ABCA13: variants seen among roughly 807,000 people sequenced by gnomAD.
ABCA13 encodes ATP-binding cassette sub-family A member 13.
ABCA13 carries 476 observed loss-of-function variants against 478.7 expected under a neutral mutation model. The observed-to-expected ratio is 0.99, with a 90% CI of 0.92 to 1.07. ABCA13 has a LOEUF of 1.07. Ranked by LOEUF, ABCA13 falls within the 50% of genes least tolerant of loss-of-function variation. ABCA13 has a pLI of 0.00. For synonymous variants in ABCA13, 2,252 were observed against 2,158.9 expected, an observed-to-expected ratio of 1.04 and a Z score of -1.20; for missense variants, 6,060 against 5,910.6, an observed-to-expected ratio of 1.03 and a Z score of -0.83.
intron 15 of ABCA13, among the ~76,000 whole-genome samples, chr7:48,266,858 C>A (rs1270720757): frequency 6.6e-6 from 1 of 151,880 alleles, no homozygotes; most frequent in African/African-American, 2.4e-5. Context: ...TTAGAGGCAT[C>A]CCACAAATAC....
chr7:48,319,382 T>C (rs963285065), intron 27 of ABCA13, among the ~76,000 whole-genome samples: 5 of 152,240 alleles, frequency 3.3e-5, no homozygotes, highest in Non-Finnish European at 7.3e-5. Context: ...GCATTGTACC[T>C]GGGATGAATT....
At chr7:48,415,599 G>C (rs1428802763) in intron 41 of ABCA13, among the ~76,000 whole-genome samples, 1 of 152,184 alleles carries the variant, frequency 6.6e-6, no homozygotes, top group Admixed American at 6.5e-5. Context: ...AAGAGTGGGT[G>C]TTCCCTTTAC....
chr7:48,311,470 G>T (rs528203844), intron 24 of ABCA13, among the ~76,000 whole-genome samples: 1 of 152,254 alleles, frequency 6.6e-6, no homozygotes, highest in South Asian at 2.1e-4. Flanking sequence ...TTTACAGTTT[G>T]CCTTTTGGGA....
chr7:48,481,296 C>T, intron 46 of ABCA13, 142 bp downstream of exon 46: 1 of 661,268 alleles, frequency 1.5e-6, no homozygotes, highest in South Asian at 1.9e-5. Context: ...TGTGATGTTC[C>T]CCTTCCTGTG....
intron 38 of ABCA13, among the ~76,000 whole-genome samples, chr7:48,400,448 A>G (rs148923290): frequency 6.6e-6 from 1 of 152,330 alleles, no homozygotes; most frequent in African/African-American, 2.4e-5. Flanking sequence ...AATGTTCTCA[A>G]TTAGAGGATT....
intron 34 of ABCA13, among the ~76,000 whole-genome samples, chr7:48,376,204 T>A (rs1813454926): frequency 6.6e-6 from 1 of 152,198 alleles, no homozygotes; most frequent in Admixed American, 6.5e-5. Flanking sequence ...TAAAACTTTT[T>A]AAAGTATTAG....
intron 3 of ABCA13, among the ~76,000 whole-genome samples, chr7:48,204,864 G>A (rs1784728179): frequency 6.6e-6 from 1 of 152,188 alleles, no homozygotes; most frequent in African/African-American, 2.4e-5. Flanking sequence ...TCATAACTTA[G>A]TGGAGAGCTG....
chr7:48,637,687 G>A (rs554168997), intron 59 of ABCA13, among the ~76,000 whole-genome samples: 37 of 152,190 alleles, frequency 2.4e-4, no homozygotes, highest in Middle Eastern at 3.4e-3. Context: ...ATATAATGCT[G>A]GAGATGAGGC....
chr7:48,290,464 T>C (rs1171252788), intron 20 of ABCA13, among the ~76,000 whole-genome samples: 1 of 152,188 alleles, frequency 6.6e-6, no homozygotes, highest in African/African-American at 2.4e-5. Context: ...AATCTCAACT[T>C]TGGCCTAGAT....
chr7:48,361,111 G>C (rs1263191341), intron 31 of ABCA13, among the ~76,000 whole-genome samples: 1 of 149,402 alleles, frequency 6.7e-6, no homozygotes, highest in Non-Finnish European at 1.5e-5. Context: ...AAAAAAAAAA[G>C]ACAAGAAAAC....
intron 57 of ABCA13, among the ~76,000 whole-genome samples, chr7:48,593,548 C>A (rs900701442): frequency 2.0e-5 from 3 of 151,948 alleles, no homozygotes; most frequent in African/African-American, 4.8e-5. Context: ...GATTTATACA[C>A]CAACATTAAA....
rs188250415 is a variant in ABCA13, at chr7:48,324,580, A to T, written c.9999+7284A>T. 9.8e-4 allele frequency among the ~76,000 whole-genome samples: 150 copies of T among 152,332 alleles called. 1 individual carries two copies. Among genetic ancestry groups the T allele is most frequent in the African/African-American group, 3.4e-3 (142 of 41,578 alleles). On this transcript the variant is annotated intron_variant, in intron 27 of 61. Coordinates refer to ENST00000435803, the MANE Select transcript of ABCA13 (RefSeq NM_152701.5). ...GTGAACCCTGTCCTTATGGTTTTGC[A>T]GCTGGTTATGGAATCACATTGAAAA... is the stretch of plus-strand genomic sequence containing the variant.
chr7:48,400,734 T>C (rs1242657567), intron 38 of ABCA13, among the ~76,000 whole-genome samples: 2 of 152,234 alleles, frequency 1.3e-5, no homozygotes, highest in East Asian at 1.9e-4. Context: ...GCTGCAATGA[T>C]AGGTGTTCAG....
intron 42 of ABCA13, among the ~76,000 whole-genome samples, chr7:48,450,334 A>G (rs1485376736): frequency 6.6e-6 from 1 of 152,212 alleles, no homozygotes; most frequent in Non-Finnish European, 1.5e-5. Flanking sequence ...AAAGTAATTT[A>G]TCGTTTACAA....
chr7:48,260,694 A>G (rs1032581493), intron 15 of ABCA13, among the ~76,000 whole-genome samples: 3 of 151,994 alleles, frequency 2.0e-5, no homozygotes, highest in Admixed American at 6.6e-5. Flanking sequence ...AAAACGTTAG[A>G]TGGTCTATAA....
At chr7:48,524,922 A>G (rs949525449) in intron 54 of ABCA13, among the ~76,000 whole-genome samples, 1 of 152,240 alleles carries the variant, frequency 6.6e-6, no homozygotes. Flanking sequence ...ATGTTTAATC[A>G]GAACTGACAG....
chr7:48,545,260 G>A lies in ABCA13; in HGVS notation c.14354+16915G>A, dbSNP rs1019855398. Among the ~76,000 whole-genome samples the A allele has an allele frequency of 4.8e-4, 73 of 151,852 alleles. 1 individual carries two copies. Among genetic ancestry groups the A allele is most frequent in the African/African-American group, 1.7e-3 (71 of 41,484 alleles). On this transcript the variant is annotated intron_variant, in intron 55 of 61. Coordinates refer to ENST00000435803, the MANE Select transcript of ABCA13 (RefSeq NM_152701.5). The stretch of plus-strand genomic sequence containing the variant: ...GGCTGCATCCTTACTGAAGGGGTAG[G>A]ATCTAGAAAAGACCTTCTACTGGCA...
intron 21 of ABCA13, among the ~76,000 whole-genome samples, chr7:48,296,353 T>A (rs1799366032): frequency 6.6e-6 from 1 of 152,190 alleles, no homozygotes; most frequent in Admixed American, 6.5e-5. Flanking sequence ...TGAGCAGTGA[T>A]TGTGCTACTG....
chr7:48,344,789 A>G (rs368236720), intron 29 of ABCA13, among the ~76,000 whole-genome samples: 2 of 152,136 alleles, frequency 1.3e-5, no homozygotes, highest in Admixed American at 1.3e-4. Context: ...TGCCCTCATC[A>G]TTTAGGTTGG....
Sources: allele counts gnomAD v4.1 joint callset (sites outside exome capture counted in the v4.1 genomes callset), GRCh38; gene constraint gnomAD v4.1.1; transcripts MANE v1.5; gene names NCBI Gene and HGNC (gene_info 2026-07-23, HGNC 2026-07-21).